Variants in AGMO observed in about 807,000 individuals in gnomAD.
The protein encoded by AGMO is alkylglycerol monooxygenase.
A neutral mutation model predicts 60.2 loss-of-function variants in AGMO; 75 were observed. That is an observed-to-expected ratio of 1.25 (90% CI 1.03 to 1.51). The LOEUF (loss-of-function observed/expected upper bound fraction) is 1.51, where lower values mean the gene tolerates loss of function less well. Among genes scored for constraint, AGMO ranks in the 40% most tolerant of loss-of-function variants. The probability of loss-of-function intolerance (pLI) is 0.00; values close to 1 mark genes in which losing one functional copy is unlikely to be tolerated. For synonymous variants in AGMO, 261 were observed against 177.1 expected, an observed-to-expected ratio of 1.47 and a Z score of -3.76; for missense variants, 763 against 525.5, an observed-to-expected ratio of 1.45 and a Z score of -4.42.
At chr7:15,306,912 C>A (rs1780631874) in intron 12 of AGMO, among the ~76,000 whole-genome samples, 1 of 151,542 alleles carries the variant, frequency 6.6e-6, no homozygotes, top group African/African-American at 2.4e-5. Context: ...AAATAGTTTG[C>A]AATATTAAAT....
At chr7:15,545,337 T>C (rs966785706) in intron 2 of AGMO, among the ~76,000 whole-genome samples, 7 of 152,198 alleles carry the variant, frequency 4.6e-5, no homozygotes, top group Non-Finnish European at 1.0e-4. Context: ...CAGAAAATTA[T>C]ACATGCCCAT....
intron 12 of AGMO, among the ~76,000 whole-genome samples, chr7:15,318,466 A>G (rs1781008488): frequency 6.6e-6 from 1 of 152,180 alleles, no homozygotes; most frequent in South Asian, 2.1e-4. Flanking sequence ...AAAGATAAAA[A>G]TGTCTTACTG....
chr7:15,123,430 T>C, the AGMO span, among the ~76,000 whole-genome samples: 2 of 151,806 alleles, frequency 1.3e-5, no homozygotes, highest in African/African-American at 4.8e-5. Flanking sequence ...GTACTTGGCA[T>C]AGAGAAGGCC....
intron 3 of AGMO, among the ~76,000 whole-genome samples, chr7:15,459,139 T>C (rs1302137731): frequency 6.6e-6 from 1 of 152,156 alleles, no homozygotes. Flanking sequence ...ACTTCAGTTC[T>C]AGCACTTTAG....
chr7:15,552,061 C>A (rs1220633789), intron 2 of AGMO, among the ~76,000 whole-genome samples: 4 of 152,004 alleles, frequency 2.6e-5, no homozygotes, highest in Admixed American at 6.6e-5. Context: ...GAAAAACAAG[C>A]AATGGGGAAA....
rs1307731856 is a variant in AGMO, at chr7:15,354,355, G to GACGTGTGTATAC, written c.1263+11158_1263+11159insGTATACACACGT. ...GCGTGTATATACACGCGTGTATATA[G>GACGTGTGTATAC]ACGTGTGTATATAGACGTGTGTATA... On this transcript the variant is annotated intron_variant, in intron 12 of 12. Transcript: ENST00000342526. 1.5e-3 allele frequency among the ~76,000 whole-genome samples: 73 copies of GACGTGTGTATAC among 50,086 alleles called. 3 individuals are homozygous for GACGTGTGTATAC. Among genetic ancestry groups the GACGTGTGTATAC allele is most frequent in the Non-Finnish European group, 2.3e-3 (65 of 27,816 alleles). 32.9% of individuals were successfully genotyped at this position (50,086 alleles called of 152,430 possible).
At chr7:15,558,995 T>C (rs1016121501) in intron 2 of AGMO, among the ~76,000 whole-genome samples, 5 of 152,082 alleles carry the variant, frequency 3.3e-5, no homozygotes, top group Non-Finnish European at 7.4e-5. Flanking sequence ...CACAGACTTC[T>C]AAGGGAATCT....
chr7:15,205,977 A>T (rs532195279), intron 12 of AGMO, among the ~76,000 whole-genome samples: 9 of 152,138 alleles, frequency 5.9e-5, no homozygotes, highest in Non-Finnish European at 1.2e-4. Context: ...AATATGGAGT[A>T]CTTTTTTCCT....
intron 12 of AGMO, among the ~76,000 whole-genome samples, chr7:15,291,426 G>A (rs1236864456): frequency 1.3e-5 from 2 of 151,980 alleles, no homozygotes; most frequent in Admixed American, 6.6e-5. Context: ...TAACTTTGCC[G>A]GTATAGTGTT....
At chr7:15,545,237 G>C (rs1004401876) in intron 2 of AGMO, among the ~76,000 whole-genome samples, 3 of 151,958 alleles carry the variant, frequency 2.0e-5, no homozygotes, top group Non-Finnish European at 4.4e-5. Context: ...ACATAAATAG[G>C]ACAAGACTAA....
the AGMO span, among the ~76,000 whole-genome samples, chr7:15,119,281 T>A: frequency 1.3e-5 from 2 of 152,018 alleles, no homozygotes; most frequent in Non-Finnish European, 2.9e-5. Flanking sequence ...GAAAGCTTCC[T>A]GAGGCCTCCC....
chr7:15,322,606 A>C, intron 12 of AGMO, among the ~76,000 whole-genome samples: 32 of 50,200 alleles, frequency 6.4e-4, no homozygotes, highest in Non-Finnish European at 6.6e-4. Flanking sequence ...ATATATAAAT[A>C]TATATAAATA....
intron 4 of AGMO, among the ~76,000 whole-genome samples, chr7:15,419,178 ATTTTTTCGAAG>A (rs961259317): frequency 2.9e-4 from 44 of 151,720 alleles, no homozygotes; most frequent in African/African-American, 1.1e-3. Context: ...ATATCTCTTA[ATTTTTTCGAAG>A]TTATTAGGAA....
intron 3 of AGMO, among the ~76,000 whole-genome samples, chr7:15,441,613 TAG>T (rs1950380864): frequency 6.6e-6 from 1 of 152,124 alleles, no homozygotes; most frequent in Admixed American, 6.5e-5. Flanking sequence ...TTGATGTCAA[TAG>T]AGTTAGCTAG....
rs529544260 is a variant in AGMO, at chr7:15,509,347, T to C, written c.409+35425A>G. Among the ~76,000 whole-genome samples the C allele has an allele frequency of 1.5e-3, 229 of 149,602 alleles. 2 individuals are homozygous for C. The highest frequency in any genetic ancestry group is 2.1e-3 in the Non-Finnish European group (140 of 67,468). ...AGAACAGTCTCTTTAATAAATGATGTTGTGAGAACTGTAGACCCACATGCA... is the reference window on the plus strand; with the variant it reads ...AGAACAGTCTCTTTAATAAATGATGCTGTGAGAACTGTAGACCCACATGCA... On this transcript the variant is annotated intron_variant, in intron 3 of 12. Transcript: ENST00000342526.
At chr7:15,352,533 G>A (rs895919649) in intron 12 of AGMO, among the ~76,000 whole-genome samples, 1 of 151,872 alleles carries the variant, frequency 6.6e-6, no homozygotes, top group Non-Finnish European at 1.5e-5. Flanking sequence ...GGGTGTTCAG[G>A]GGAGGGGGTG....
At chr7:15,185,734 G>C in the AGMO span, among the ~76,000 whole-genome samples, 1 of 152,232 alleles carries the variant, frequency 6.6e-6, no homozygotes, top group Non-Finnish European at 1.5e-5. Flanking sequence ...TGAACCACAG[G>C]TGAGCAGTGA....
At chr7:15,118,855 G>C in the AGMO span, among the ~76,000 whole-genome samples, 1 of 133,272 alleles carries the variant, frequency 7.5e-6, no homozygotes, top group African/African-American at 2.7e-5. Flanking sequence ...TCAGTGTCTT[G>C]GATAATTCCC....
At chr7:15,277,103 T>C (rs896901099) in intron 12 of AGMO, among the ~76,000 whole-genome samples, 20 of 151,548 alleles carry the variant, frequency 1.3e-4, no homozygotes, top group Middle Eastern at 3.2e-3. Flanking sequence ...AGATCAGGAG[T>C]TCTAGACCAG....
Sources: allele counts gnomAD v4.1 joint callset (sites outside exome capture counted in the v4.1 genomes callset), GRCh38; gene constraint gnomAD v4.1.1; transcripts MANE v1.5; gene names NCBI Gene and HGNC (gene_info 2026-07-23, HGNC 2026-07-21).